The following GDAP1 variants were observed in gnomAD, a reference collection of about 807,000 sequenced individuals.
GDAP1 encodes the protein ganglioside induced differentiation associated protein 1, also known as ganglioside-induced differentiation-associated protein 1.
In GDAP1, 34 loss-of-function variants were observed where a neutral mutation model predicts 40.1. The ratio of observed to expected loss-of-function variants is 0.85; its 90% CI spans 0.64 to 1.13. The LOEUF (loss-of-function observed/expected upper bound fraction) is 1.13. Ranked by LOEUF, GDAP1 falls within the 50% of genes most tolerant of loss-of-function variation. GDAP1 has a pLI of 0.00. For missense variants in GDAP1, 374 were observed against 433.7 expected, an observed-to-expected ratio of 0.86 and a Z score of 1.22; for synonymous variants, 170 against 157.4, an observed-to-expected ratio of 1.08 and a Z score of -0.60.
At chr8:74,482,681 ACATG>A (rs1806727238) in intron 2 of GDAP1, among the ~76,000 whole-genome samples, 1 of 152,178 alleles carries the variant, frequency 6.6e-6, no homozygotes, top group Admixed American at 6.5e-5. Context: ...TCTCCACGAC[ACATG>A]CATATGACAG....
At chr8:74,406,076 C>G (rs1352562529) in intron 2 of GDAP1, among the ~76,000 whole-genome samples, 1 of 150,204 alleles carries the variant, frequency 6.7e-6, no homozygotes, top group Admixed American at 6.6e-5. Context: ...ATATAAAGGC[C>G]TTGGCATAAA....
downstream of GDAP1, among the ~76,000 whole-genome samples, chr8:74,368,862 T>C (rs915858298): frequency 1.1e-4 from 16 of 152,192 alleles, no homozygotes; most frequent in Admixed American, 9.2e-4. Context: ...ACCTCCTAAA[T>C]GCCTGTAGTG....
chr8:74,387,177 T>G (rs1258787730), intron 2 of GDAP1, among the ~76,000 whole-genome samples: 1 of 152,224 alleles, frequency 6.6e-6, no homozygotes, highest in African/African-American at 2.4e-5. Context: ...TTTATTTCTT[T>G]CTCTTGCCTA....
In GDAP1 at chr8:74,412,375, G is replaced by A. The variant is rs1032539992; in HGVS notation, c.165+61054G>A. Among the ~76,000 whole-genome samples, 7 of 150,140 alleles carry A rather than the reference G, an allele frequency of 4.7e-5. 1 individual carries two copies. Among genetic ancestry groups the A allele is most frequent in the African/African-American group, 1.8e-4 (7 of 39,452 alleles). On this transcript the variant is annotated intron_variant, in intron 2 of 2. Coordinates refer to the GDAP1 transcript ENST00000523640. Reference sequence around the variant, plus strand: ...TCCAGAAAGAGCAAAGAGAGGATGAGAGATAGACAATATTTGAAAAGATAA... The same window carrying A: ...TCCAGAAAGAGCAAAGAGAGGATGAAAGATAGACAATATTTGAAAAGATAA...
chr8:74,439,167 T>C (rs571911717), intron 2 of GDAP1, among the ~76,000 whole-genome samples: 8 of 152,204 alleles, frequency 5.3e-5, no homozygotes, highest in African/African-American at 1.9e-4. Flanking sequence ...TGCACCAAAA[T>C]GTTTAACATT....
intron 2 of GDAP1, among the ~76,000 whole-genome samples, chr8:74,391,619 C>G (rs1004517621): frequency 5.9e-5 from 9 of 151,916 alleles, no homozygotes; most frequent in African/African-American, 2.2e-4. Context: ...GGAGATGTTA[C>G]TATTCGGCCA....
chr8:74,373,419 C>T (rs1167115634), intron 2 of GDAP1, among the ~76,000 whole-genome samples: 1 of 151,980 alleles, frequency 6.6e-6, no homozygotes, highest in South Asian at 2.1e-4. Flanking sequence ...TGTTTGTGTC[C>T]TCTTTTATTT....
At chr8:74,363,160 TA>T in intron 5 of GDAP1, 107 bp downstream of exon 5, 1 of 692,896 alleles carries the variant, frequency 1.4e-6, no homozygotes, top group South Asian at 1.6e-5. Context: ...TCATTGTTGT[TA>T]TTCACAGGCA....
downstream of GDAP1, among the ~76,000 whole-genome samples, chr8:74,371,234 T>C (rs901183347): frequency 2.0e-5 from 3 of 152,254 alleles, no homozygotes; most frequent in Admixed American, 6.5e-5. Context: ...ATTTTTATGT[T>C]GCAGAGTATA....
intron 2 of GDAP1, among the ~76,000 whole-genome samples, chr8:74,392,162 C>T (rs73347286): frequency 1.4e-3 from 215 of 152,194 alleles, no homozygotes; most frequent in African/African-American, 4.6e-3. Context: ...AGATACAGGG[C>T]GCAATAAAAT....
intron 2 of GDAP1, among the ~76,000 whole-genome samples, chr8:74,392,941 T>C (rs1205016731): frequency 6.6e-6 from 1 of 152,228 alleles, no homozygotes; most frequent in African/African-American, 2.4e-5. Context: ...CATGGACTTT[T>C]GGCAGTTTGT....
At chr8:74,449,395 A>G (rs1357839201) in intron 2 of GDAP1, among the ~76,000 whole-genome samples, 1 of 151,876 alleles carries the variant, frequency 6.6e-6, no homozygotes, top group Non-Finnish European at 1.5e-5. Flanking sequence ...TAGGAGTTAC[A>G]TTGAATTTAT....
intron 2 of GDAP1, among the ~76,000 whole-genome samples, chr8:74,434,739 A>G (rs1213672455): frequency 2.0e-5 from 3 of 152,208 alleles, no homozygotes; most frequent in African/African-American, 2.4e-5. Flanking sequence ...TTCTGTAAGG[A>G]ATTACCATCA....
chr8:74,363,858 A>C, intron 5 of GDAP1, 127 bp from the exon 6 acceptor site: 1 of 771,430 alleles, frequency 1.3e-6, no homozygotes, highest in Non-Finnish European at 2.2e-6. Context: ...TCAAGAAAAT[A>C]AATATATAAT....
At chr8:74,433,030 C>A (rs1172626731) in intron 2 of GDAP1, among the ~76,000 whole-genome samples, 2 of 152,178 alleles carry the variant, frequency 1.3e-5, no homozygotes, top group African/African-American at 4.8e-5. Flanking sequence ...TTATATTCTT[C>A]AGTAAACTCA....
At chr8:74,462,286 T>C (rs1375189953) in intron 2 of GDAP1, among the ~76,000 whole-genome samples, 3 of 152,166 alleles carry the variant, frequency 2.0e-5, no homozygotes, top group Non-Finnish European at 2.9e-5. Context: ...GGAGCTATAA[T>C]AGAAAACTAA....
intron 2 of GDAP1, among the ~76,000 whole-genome samples, chr8:74,401,096 G>T (rs1429282964): frequency 4.9e-3 from 688 of 140,062 alleles, no homozygotes; most frequent in Middle Eastern, 0.011. Flanking sequence ...CTGAATGTTG[G>T]CCTGCCTTGC....
chr8:74,435,568 A>G (rs998110222), intron 2 of GDAP1, among the ~76,000 whole-genome samples: 1 of 152,254 alleles, frequency 6.6e-6, no homozygotes, highest in South Asian at 2.1e-4. Context: ...TTTAAATCAT[A>G]CAACTAAAGC....
intron 2 of GDAP1, among the ~76,000 whole-genome samples, chr8:74,456,087 C>T (rs139891549): frequency 6.6e-6 from 1 of 152,038 alleles, no homozygotes; most frequent in East Asian, 1.9e-4. Flanking sequence ...TTAAACTCCT[C>T]TCATTAGTAT....
Sources: allele counts gnomAD v4.1 joint callset (sites outside exome capture counted in the v4.1 genomes callset), GRCh38; gene constraint gnomAD v4.1.1; transcripts MANE v1.5; gene names NCBI Gene and HGNC (gene_info 2026-07-23, HGNC 2026-07-21).